Variants in CTNNA2 observed in about 807,000 individuals in gnomAD.
The protein encoded by CTNNA2 is catenin alpha 2, also known as catenin alpha-2.
In CTNNA2, 42 loss-of-function variants were observed where a neutral mutation model predicts 101.0. That is an observed-to-expected ratio of 0.42 (90% confidence interval 0.32 to 0.54). The LOEUF (loss-of-function observed/expected upper bound fraction) is 0.54, where lower values mean the gene tolerates loss of function less well. Ranked by LOEUF, CTNNA2 falls within the 20% of genes least tolerant of loss-of-function variation. CTNNA2 has a pLI of 0.14. For missense variants in CTNNA2, 871 were observed against 1,223.1 expected, an observed-to-expected ratio of 0.71 and a Z score of 4.29; for synonymous variants, 450 against 456.4, an observed-to-expected ratio of 0.99 and a Z score of 0.18.
chr2:80,436,766 C>T lies in CTNNA2; in HGVS notation c.1290+17165C>T, dbSNP rs1023257444. ...ATATGATGGAAGAGGCAAACAAGCT[C>T]TGTCAGTCCTCTTTTATAAGCGCAC... On this transcript the variant is annotated intron_variant, in intron 9 of 18. Transcript: ENST00000402739. Among the ~76,000 whole-genome samples the T allele has an allele frequency of 2.6e-5, 4 of 152,144 alleles. No homozygotes were observed. The East Asian group carries it at 7.7e-4, about 29-fold the overall frequency.
chr2:80,107,776 C>A (rs931289708), intron 7 of CTNNA2, among the ~76,000 whole-genome samples: 5 of 152,210 alleles, frequency 3.3e-5, no homozygotes, highest in African/African-American at 9.6e-5. Flanking sequence ...CACTGTAACA[C>A]ACCCTCTGGG....
Position 79,966,759 on chromosome 2 carries a change from C to T in CTNNA2, c.1056+56962C>T, listed in dbSNP as rs549866354. 2.5e-4 allele frequency among the ~76,000 whole-genome samples: 38 copies of T among 152,286 alleles called. No homozygotes were observed. In the South Asian group the frequency reaches 5.6e-3, roughly 22 times the overall value. ...CCAAATCCAAATGTCGTATCTTTTA[C>T]GACTTTTAGCAACATTCAAACCAGG... On this transcript the variant is annotated intron_variant, in intron 7 of 18. Transcript: ENST00000402739.
At chr2:80,434,524 C>G (rs1056408907) in intron 9 of CTNNA2, among the ~76,000 whole-genome samples, 2 of 144,186 alleles carry the variant, frequency 1.4e-5, no homozygotes, top group African/African-American at 5.2e-5. Flanking sequence ...AGGGTTTCAC[C>G]CTGTCACTCA....
intron 2 of CTNNA2, among the ~76,000 whole-genome samples, chr2:79,306,488 A>T (rs1676251369): frequency 6.6e-6 from 1 of 151,416 alleles, no homozygotes; most frequent in Non-Finnish European, 1.5e-5. Flanking sequence ...TAAAAAATAA[A>T]ATTAAAAAAG....
rs201042437 is a variant in CTNNA2 at position 79,982,336 on chromosome 2, A to T, written c.1056+72539A>T. Reference sequence around the variant, plus strand: ...ATATAACATATATAACACACATATAAAACATATATAACCTATATAACCTAT... The same window carrying T: ...ATATAACATATATAACACACATATATAACATATATAACCTATATAACCTAT... On this transcript the variant is annotated intron_variant, in intron 7 of 18. Transcript: ENST00000402739. Among the ~76,000 whole-genome samples the T allele has an allele frequency of 6.9e-3, 738 of 106,420 alleles. 12 individuals carry two copies. The highest frequency in any genetic ancestry group is 0.023 in the African/African-American group (651 of 27,984). The allele number at this position is 106,420 out of a possible 152,430, so 69.8% of individuals were successfully genotyped here. A position where few individuals can be genotyped will look rare whatever the true frequency, so the allele number is the denominator to read the frequency against.
intron 1 of CTNNA2, among the ~76,000 whole-genome samples, chr2:79,644,015 C>T (rs1680628624): frequency 6.6e-6 from 1 of 152,002 alleles, no homozygotes; most frequent in African/African-American, 2.4e-5. Flanking sequence ...CACCGATAGC[C>T]AGGAGAAAGA....
At chr2:80,267,874 T>G (rs1046397250) in intron 7 of CTNNA2, among the ~76,000 whole-genome samples, 2 of 152,194 alleles carry the variant, frequency 1.3e-5, no homozygotes, top group Non-Finnish European at 1.5e-5. Flanking sequence ...CTATGTTTCC[T>G]TTTGTGACCA....
At chr2:79,833,511 T>C (rs990108603) in intron 3 of CTNNA2, among the ~76,000 whole-genome samples, 2 of 152,168 alleles carry the variant, frequency 1.3e-5, no homozygotes, top group Non-Finnish European at 2.9e-5. Context: ...CATTACCCTT[T>C]CTAGATAACA....
intron 2 of CTNNA2, among the ~76,000 whole-genome samples, chr2:79,276,929 C>A (rs931783541): frequency 3.3e-5 from 5 of 152,276 alleles, no homozygotes; most frequent in South Asian, 2.1e-4. Context: ...TGCATGTTCA[C>A]ATGCGCATAG....
rs147200817 is a variant in CTNNA2 at position 80,155,923 on chromosome 2, T to C, written c.1057-237288T>C. ...TTCTGGAACTTTCAGCATCCATGTCTGCCTGAGGCCTTCTGTTATCCATTG... is the reference window on the plus strand; with the variant it reads ...TTCTGGAACTTTCAGCATCCATGTCCGCCTGAGGCCTTCTGTTATCCATTG... On this transcript the variant is annotated intron_variant, in intron 7 of 18. Coordinates refer to ENST00000402739, the MANE Select transcript of CTNNA2 (RefSeq NM_001282597.3). 7.0e-4 allele frequency among the ~76,000 whole-genome samples: 107 copies of C among 152,356 alleles called. No homozygotes were observed. In the East Asian group the frequency reaches 0.02, roughly 29 times the overall value.
intron 7 of CTNNA2, among the ~76,000 whole-genome samples, chr2:80,059,743 C>A (rs1188096630): frequency 3.3e-5 from 5 of 152,188 alleles, no homozygotes; most frequent in Non-Finnish European, 7.3e-5. Flanking sequence ...CTCTTGCCCG[C>A]CCCACTCTGC....
intron 7 of CTNNA2, among the ~76,000 whole-genome samples, chr2:80,366,334 G>T (rs1036043733): frequency 3.3e-5 from 5 of 152,088 alleles, no homozygotes; most frequent in Non-Finnish European, 2.9e-5. Context: ...AAGTTAAACA[G>T]ATTTCTTTTA....
intron 8 of CTNNA2, among the ~76,000 whole-genome samples, chr2:80,399,478 G>A (rs2149377125): frequency 6.6e-6 from 1 of 152,308 alleles, no homozygotes; most frequent in Admixed American, 6.5e-5. Context: ...AAGGAGCAAA[G>A]AGTCTAGTAG....
At chr2:80,441,518 A>AT (rs1183442116) in intron 9 of CTNNA2, among the ~76,000 whole-genome samples, 1 of 152,202 alleles carries the variant, frequency 6.6e-6, no homozygotes, top group Non-Finnish European at 1.5e-5. Flanking sequence ...GTTGCAAAAA[A>AT]ATATATAAAA....
In CTNNA2 at chr2:80,453,198, G is replaced by A. The variant is rs529880313; in HGVS notation, c.1290+33597G>A. Among the ~76,000 whole-genome samples the A allele has an allele frequency of 7.2e-5, 11 of 152,178 alleles. 1 individual carries two copies. The South Asian group carries it at 1.2e-3, about 17-fold the overall frequency. The stretch of plus-strand genomic sequence containing the variant: ...GTGAAATCAAATCTCCTAACACACC[G>A]TCATCTAGCTTTGCCTTGCTCAGGG... On this transcript the variant is annotated intron_variant, in intron 9 of 18. Coordinates refer to ENST00000402739, the MANE Select transcript of CTNNA2 (RefSeq NM_001282597.3).
chr2:79,592,515 G>A (rs1223790313), intron 1 of CTNNA2, among the ~76,000 whole-genome samples: 1 of 152,038 alleles, frequency 6.6e-6, no homozygotes, highest in Non-Finnish European at 1.5e-5. Flanking sequence ...AAATTTTTCT[G>A]AGATGTGGGG....
chr2:80,508,857 T>C (rs2149547706), intron 9 of CTNNA2, among the ~76,000 whole-genome samples: 1 of 152,310 alleles, frequency 6.6e-6, no homozygotes, highest in Admixed American at 6.5e-5. Context: ...CCCTCGACTT[T>C]GCAGGCTAGG....
chr2:79,757,995 G>T (rs945132007), intron 3 of CTNNA2, among the ~76,000 whole-genome samples: 1 of 152,132 alleles, frequency 6.6e-6, no homozygotes, highest in African/African-American at 2.4e-5. Context: ...AACAGATTGG[G>T]CTCTTAAGCT....
intron 1 of CTNNA2, among the ~76,000 whole-genome samples, chr2:79,564,531 G>C (rs1381330749): frequency 1.3e-5 from 2 of 152,180 alleles, no homozygotes; most frequent in South Asian, 4.1e-4. Context: ...GGGGGCTTAC[G>C]CATTCTTAGC....
Sources: allele counts gnomAD v4.1 joint callset (sites outside exome capture counted in the v4.1 genomes callset), GRCh38; gene constraint gnomAD v4.1.1; transcripts MANE v1.5; gene names NCBI Gene and HGNC (gene_info 2026-07-23, HGNC 2026-07-21).